Variants in ACTN3 observed in about 807,000 individuals in gnomAD.
The protein encoded by ACTN3 is alpha-actinin-3.
A neutral mutation model predicts 119.6 loss-of-function variants in ACTN3; 91 were observed. The ratio of observed to expected loss-of-function variants is 0.76; its 90% CI spans 0.64 to 0.91. The LOEUF is 0.91. ACTN3 is among the 40% of genes least tolerant of loss of function. ACTN3 has a pLI of 0.00. For missense variants in ACTN3, 1,221 were observed against 1,215.1 expected (o/e 1.00, Z -0.07); for synonymous variants, 456 against 478.8 (o/e 0.95, Z 0.62).
intron 3 of ACTN3, among the ~76,000 whole-genome samples, chr11:66,552,354 A>G (rs527579775): frequency 1.4e-5 from 2 of 147,006 alleles, no homozygotes; most frequent in Admixed American, 1.4e-4. Context: ...TGGGTGACAG[A>G]GCTAGACTCC....
At position 66,555,124 on chromosome 11, in the gene ACTN3, G is replaced by T; in HGVS notation, c.558-6G>T. ...CAGGCCTGACCCCCCTCTTCTCTCT[G>T]TCCAGCTGGAAGGATGGCCTGGCCC... On this transcript the variant is annotated splice_polypyrimidine_tract_variant and splice_region_variant and intron_variant, in intron 5 of 20. Transcript: ENST00000513398. 1 of 1,613,844 alleles carries T rather than the reference G, an allele frequency of 6.2e-7. No homozygotes were observed. Among genetic ancestry groups the T allele is most frequent in the Non-Finnish European group, 8.5e-7 (1 of 1,179,870 alleles).
At chr11:66,549,510 T>A (rs1210983465) in intron 1 of ACTN3, among the ~76,000 whole-genome samples, 1 of 151,940 alleles carries the variant, frequency 6.6e-6, no homozygotes, top group African/African-American at 2.4e-5. Flanking sequence ...GGGGGGCGGA[T>A]CACCTGAGGT....
At position 66,558,121 on chromosome 11, in the gene ACTN3, A is replaced by G; in HGVS notation, c.1223A>G (p.His408Arg). ...SEIRRLQRLQ[H>R]LAEKFRQKAS... is the part of the protein sequence containing the mutation. ...ATCCGGCGCCTGCAGCGACTCCAGC[A>G]CCTGGCTGAGAAGTTCCGGCAGAAG... The change falls in exon 11 of 21, where the codon CAC becomes CGC. Residue 408 changes from histidine (H) to arginine (R), a missense_variant. Transcript: ENST00000513398. 1.2e-6 allele frequency: 2 copies of G among 1,613,874 alleles called. No homozygotes were observed. Among genetic ancestry groups the G allele is most frequent in the Non-Finnish European group, 1.7e-6 (2 of 1,179,888 alleles).
chr11:66,552,885 C>T, intron 3 of ACTN3, among the ~76,000 whole-genome samples: 1 of 37,516 alleles, frequency 2.7e-5, no homozygotes, highest in Non-Finnish European at 5.2e-5. Flanking sequence ...CTCTCTCACA[C>T]ACACACACAC....
intron 3 of ACTN3, among the ~76,000 whole-genome samples, chr11:66,552,890 AC>A (rs1857508146): frequency 7.2e-6 from 1 of 138,948 alleles, no homozygotes; most frequent in Admixed American, 7.2e-5. Flanking sequence ...TCACACACAC[AC>A]ACACACACAC....
In ACTN3 at chr11:66,562,268, G is replaced by C. The variant is rs749606517; in HGVS notation, c.2334G>C (p.Gly778=). 1 of 1,613,806 alleles carries C rather than the reference G, an allele frequency of 6.2e-7. No homozygotes were observed. The highest frequency in any genetic ancestry group is 1.1e-5 in the South Asian group (1 of 91,072). ...CTCACCCCCTACAGAAGCAGAATGG[G>C]ATGATGGAGCCTGATGACTTCCGAG... ...SFNHFDRKQN[G]MMEPDDFRAC... The change falls in exon 19 of 21, where the codon GGG becomes GGC. Residue 778 remains glycine, a synonymous_variant. Coordinates refer to ENST00000513398, the MANE Select transcript of ACTN3 (RefSeq NM_001104.4).
chr11:66,547,032 A>G lies in ACTN3; in HGVS notation c.95A>G (p.Asp32Gly). The G allele has an allele frequency of 6.6e-7, 1 of 1,515,534 alleles. No individual in the cohort carries two copies. The allele number at this position is 1,515,534 out of a possible 1,614,324, so 93.9% of individuals were successfully genotyped here. A position where few individuals can be genotyped will look rare whatever the true frequency, so the allele number is the denominator to read the frequency against. Residue 32 changes from aspartate (D) to glycine (G), a missense_variant, in exon 1 of 21, where the codon GAC becomes GGC. Physicochemically the swap from Asp to Gly is moderately conservative, Grantham distance 94. This residue lies in a region of ACTN3 where 239 missense variants were observed against 231.8 expected (regional missense o/e 1.03). Coordinates refer to ENST00000513398, the MANE Select transcript of ACTN3 (RefSeq NM_001104.4). ...GGGEYMEQEEDWDRDLLLDPA... is the reference protein window; with the variant it reads ...GGGEYMEQEEGWDRDLLLDPA... Reference sequence around the variant, plus strand: ...GGCGAGTACATGGAACAGGAGGAGGACTGGGACCGCGACCTGCTGCTGGAC... The same window carrying G: ...GGCGAGTACATGGAACAGGAGGAGGGCTGGGACCGCGACCTGCTGCTGGAC...
chr11:66,548,791 C>T (rs1857416935), intron 1 of ACTN3, among the ~76,000 whole-genome samples: 3 of 152,116 alleles, frequency 2.0e-5, no homozygotes, highest in South Asian at 2.1e-4. Context: ...TGCTGGAATT[C>T]GGCAGCAGAC....
intron 19 of ACTN3, 92 bp from the exon 20 acceptor site, chr11:66,562,704 T>G: frequency 7.1e-7 from 1 of 1,400,660 alleles, no homozygotes; most frequent in Non-Finnish European, 9.7e-7. Context: ...GGGGCTCTGC[T>G]AGCTGAGGTT....
intron 19 of ACTN3, 36 bp from the exon 20 acceptor site, chr11:66,562,760 G>A: frequency 5.1e-6 from 8 of 1,568,700 alleles, no homozygotes; most frequent in Non-Finnish European, 6.9e-6. Context: ...TGGCTTTAGT[G>A]CTCATGGGCA....
chr11:66,554,310 AAG>A (rs1857542761), intron 4 of ACTN3, among the ~76,000 whole-genome samples, 179 bp downstream of exon 4: 2 of 150,606 alleles, frequency 1.3e-5, no homozygotes, highest in South Asian at 4.2e-4. Flanking sequence ...AAAAAAAAAA[AAG>A]CTGGCCATGG....
At position 66,558,110 on chromosome 11, in the gene ACTN3, G is replaced by A; in HGVS notation, c.1212G>A (p.Gln404=). The part of the protein sequence containing the change: ...DWLLSEIRRL[Q]RLQHLAEKFR... ...TGCTCTCGGAGATCCGGCGCCTGCA[G>A]CGACTCCAGCACCTGGCTGAGAAGT... is the stretch of plus-strand genomic sequence containing the variant. Residue 404 remains glutamine, a synonymous_variant, in exon 11 of 21, where the codon CAG becomes CAA. Transcript: ENST00000513398. The A allele has an allele frequency of 1.2e-6, 2 of 1,613,928 alleles. No individual in the cohort carries two copies. The highest frequency in any genetic ancestry group is 1.7e-6 in the Non-Finnish European group (2 of 1,179,892).
chr11:66,550,442 G>A (rs1321467223), intron 1 of ACTN3, among the ~76,000 whole-genome samples: 1 of 152,210 alleles, frequency 6.6e-6, no homozygotes, highest in Non-Finnish European at 1.5e-5. Flanking sequence ...TTTGGGGAAG[G>A]GGTGGGCAGT....
rs1250019448 is a variant in ACTN3, at chr11:66,557,145, G to T, written c.817G>T (p.Ala273Ser). The T allele has an allele frequency of 1.3e-5, 20 of 1,552,816 alleles. No homozygotes were observed. Among genetic ancestry groups the T allele is most frequent in the Non-Finnish European group, 1.7e-5 (20 of 1,147,596 alleles). Residue 273 changes from alanine to serine, a missense_variant, in exon 9 of 21, where the codon GCC becomes TCC. Ala to Ser is a moderately conservative substitution (Grantham distance 99, BLOSUM62 1). Around this residue, in one of 3 missense-constraint regions of ACTN3, gnomAD observed 934 missense variants for 899.9 expected, o/e 1.04. Transcript: ENST00000513398. ...ACTCCCCCCACAGGCAGAGACAGCT[G>T]CCAACAGGATCTGCAAGGTGCTGGC... ...FAGAEQAETA[A>S]NRICKVLAVN...
chr11:66,560,062 CG>C lies in ACTN3; in HGVS notation c.1525del (p.Asp509MetfsTer3), dbSNP rs1857710713. On this transcript the variant is annotated frameshift_variant, in exon 13 of 21. Coordinates refer to ENST00000513398, the MANE Select transcript of ACTN3 (RefSeq NM_001104.4). LOFTEE classifies it high-confidence loss of function. ...DNLGTLTQKRRDALERMEKLL... is the reference protein window; with the variant it reads ...DNLGTLTQKRXDALERMEKLL... ...CCTGGGCACCCTGACCCAGAAGAGGCGGGATGCGCTAGAGGTGGGGCTGGGG... is the reference window on the plus strand; with the variant it reads ...CCTGGGCACCCTGACCCAGAAGAGGCGGATGCGCTAGAGGTGGGGCTGGGG... The C allele has an allele frequency of 7.6e-7, 1 of 1,312,046 alleles. No individual in the cohort carries two copies. The highest frequency in any genetic ancestry group is 1.2e-5 in the South Asian group (1 of 82,130). The allele number at this position is 1,312,046 out of a possible 1,614,324, so 81.3% of individuals were successfully genotyped here. A position where few individuals can be genotyped will look rare whatever the true frequency, so the allele number is the denominator to read the frequency against.
At chr11:66,560,370 G>A (rs919461771) in intron 14 of ACTN3, 59 bp downstream of exon 14, 1 of 1,566,756 alleles carries the variant, frequency 6.4e-7, no homozygotes, top group African/African-American at 1.4e-5. Context: ...CCCAAATTCT[G>A]CCACCCACAA....
At chr11:66,551,702 C>A (rs56146874) in intron 3 of ACTN3, 55 bp downstream of exon 3, 1 of 1,603,452 alleles carries the variant, frequency 6.2e-7, no homozygotes, top group East Asian at 2.2e-5. Flanking sequence ...CTCTTGACAT[C>A]AGCAAATCAC....
At chr11:66,560,888 T>C (rs1199828277) in intron 15 of ACTN3, 133 bp downstream of exon 15, 15 of 1,026,108 alleles carry the variant, frequency 1.5e-5, no homozygotes, top group South Asian at 1.4e-4. Flanking sequence ...CCACGTGGGA[T>C]TGGATAAATC....
chr11:66,546,765 C>T, upstream of ACTN3: 1 of 1,535,532 alleles, frequency 6.5e-7, no homozygotes, highest in Non-Finnish European at 8.7e-7. Flanking sequence ...CAGTTCCCGG[C>T]TTCAGGACAA....
Sources: allele counts gnomAD v4.1 joint callset (sites outside exome capture counted in the v4.1 genomes callset), GRCh38; gene constraint gnomAD v4.1.1; regional missense constraint gnomAD v4.1.1; transcripts MANE v1.5; gene names NCBI Gene and HGNC (gene_info 2026-07-23, HGNC 2026-07-21).